SLC22A9: variants seen among roughly 807,000 people sequenced by gnomAD.
SLC22A9 encodes the protein organic anion transporter 7.
Under a neutral mutation model 50.1 loss-of-function variants are expected in SLC22A9, and 64 were observed. The ratio of observed to expected loss-of-function variants is 1.28; its 90% CI spans 1.04 to 1.57. SLC22A9 has a LOEUF of 1.57. Among genes scored for constraint, SLC22A9 ranks in the 40% most tolerant of loss-of-function variants. SLC22A9 has a pLI of 0.00. For missense variants in SLC22A9, 757 were observed against 676.1 expected, an observed-to-expected ratio of 1.12 and a Z score of -1.33; for synonymous variants, 261 against 242.5, an observed-to-expected ratio of 1.08 and a Z score of -0.71.
chr11:63,387,950 C>G (rs1014078880), intron 6 of SLC22A9, among the ~76,000 whole-genome samples: 3 of 151,680 alleles, frequency 2.0e-5, no homozygotes, highest in East Asian at 3.9e-4. Context: ...TTAGATGGTT[C>G]CTTATTGGCA....
At chr11:63,409,438 TA>T (rs10570779) in intron 9 of SLC22A9, among the ~76,000 whole-genome samples, 14,645 of 146,516 alleles carry the variant, frequency 0.1, 1,427 homozygotes, top group African/African-American at 0.25. Context: ...TCTGATGAGC[TA>T]AAAAAAAAAA....
chr11:63,371,224 T>A lies in SLC22A9; in HGVS notation c.492T>A (p.Gly164=). 1 of 1,612,618 alleles carries A rather than the reference T, an allele frequency of 6.2e-7. No homozygotes were observed. Among genetic ancestry groups the A allele is most frequent in the South Asian group, 1.1e-5 (1 of 91,004 alleles). The part of the protein sequence containing the change: ...AGMMVGGILG[G]HLSDRFGRRF... ...TGATGGTGGGAGGCATCCTAGGCGGTCATTTATCAGACAGGTGAGTGTGTA... is the reference window on the plus strand; with the variant it reads ...TGATGGTGGGAGGCATCCTAGGCGGACATTTATCAGACAGGTGAGTGTGTA... The change falls in exon 2 of 10, where the codon GGT becomes GGA. Residue 164 remains glycine, a synonymous_variant. Coordinates refer to ENST00000279178, the MANE Select transcript of SLC22A9 (RefSeq NM_080866.3).
At chr11:63,391,654 T>G (rs2014765893) in intron 6 of SLC22A9, among the ~76,000 whole-genome samples, 1 of 152,028 alleles carries the variant, frequency 6.6e-6, no homozygotes, top group Non-Finnish European at 1.5e-5. Flanking sequence ...TCCTTTGGCA[T>G]AGAATATCAT....
At chr11:63,388,463 G>A (rs2014706905) in intron 6 of SLC22A9, among the ~76,000 whole-genome samples, 2 of 151,614 alleles carry the variant, frequency 1.3e-5, no homozygotes, top group South Asian at 4.2e-4. Flanking sequence ...TGGTCAATAT[G>A]ATATATCATG....
intron 7 of SLC22A9, among the ~76,000 whole-genome samples, chr11:63,407,822 A>G (rs1320178168): frequency 6.6e-6 from 1 of 152,186 alleles, no homozygotes; most frequent in Non-Finnish European, 1.5e-5. Flanking sequence ...AAATGAAAAA[A>G]CATTCAGCTC....
At position 63,370,202 on chromosome 11, in the gene SLC22A9, G is replaced by C. The variant is rs957504974; in HGVS notation, c.146G>C (p.Cys49Ser). 6 of 1,613,900 alleles carry C rather than the reference G, an allele frequency of 3.7e-6. No individual in the cohort carries two copies. The highest frequency in any genetic ancestry group is 1.7e-5 in the Admixed American group (1 of 59,988). The change falls in exon 1 of 10, where the codon TGC (cysteine) becomes TCC (serine). Residue 49 changes from cysteine (C) to serine (S), a missense_variant. Physicochemically the swap from Cys to Ser is moderately radical, Grantham distance 112. Coordinates refer to ENST00000279178, the MANE Select transcript of SLC22A9 (RefSeq NM_080866.3). Reference protein sequence around the residue: ...NFTAFIPGHRCWVHILDNDTV... With the variant: ...NFTAFIPGHRSWVHILDNDTV... Reference sequence around the variant, plus strand: ...ACTGCATTCATACCTGGCCATCGCTGCTGGGTCCACATCCTGGACAATGAC... The same window carrying C: ...ACTGCATTCATACCTGGCCATCGCTCCTGGGTCCACATCCTGGACAATGAC...
At chr11:63,372,712 T>C (rs1374309806) in intron 2 of SLC22A9, among the ~76,000 whole-genome samples, 2 of 152,198 alleles carry the variant, frequency 1.3e-5, no homozygotes, top group Non-Finnish European at 2.9e-5. Context: ...CAATATTTTA[T>C]AGTTTATGAT....
chr11:63,396,871 C>T (rs2014867764), intron 6 of SLC22A9, among the ~76,000 whole-genome samples: 1 of 152,090 alleles, frequency 6.6e-6, no homozygotes, highest in Non-Finnish European at 1.5e-5. Context: ...GTCCCTAGTG[C>T]CTTATTTAGT....
intron 5 of SLC22A9, among the ~76,000 whole-genome samples, chr11:63,377,829 G>A (rs559341345): frequency 4.6e-5 from 7 of 151,828 alleles, no homozygotes; most frequent in South Asian, 2.1e-4. Context: ...AAAAGAGAGC[G>A]GATTCAAATA....
intron 6 of SLC22A9, among the ~76,000 whole-genome samples, chr11:63,391,988 T>G (rs2014771821): frequency 6.6e-6 from 1 of 152,056 alleles, no homozygotes; most frequent in Non-Finnish European, 1.5e-5. Context: ...TGCATGTTTT[T>G]CAATTTGAGG....
chr11:63,374,378 T>A (rs978318868), intron 4 of SLC22A9, among the ~76,000 whole-genome samples: 3 of 152,218 alleles, frequency 2.0e-5, no homozygotes, highest in Non-Finnish European at 2.9e-5. Context: ...AGTTCTTTTA[T>A]TTAAATGAAT....
intron 5 of SLC22A9, among the ~76,000 whole-genome samples, chr11:63,377,091 A>G (rs1233876648): frequency 1.3e-5 from 2 of 152,158 alleles, no homozygotes; most frequent in Admixed American, 6.6e-5. Flanking sequence ...AAATCATACA[A>G]TGATAGTTGG....
rs753998980 is a variant in SLC22A9 at position 63,375,627 on chromosome 11, G to A, written c.831-18G>A. On this transcript the variant is annotated intron_variant, in intron 4 of 9. Coordinates refer to ENST00000279178, the MANE Select transcript of SLC22A9 (RefSeq NM_080866.3). The stretch of plus-strand genomic sequence containing the variant: ...GGAAGTGAAAGTCGACTGCCCCTCT[G>A]TTCTCTTCCTTGGTCAGTTGGCTGC... 6 of 1,609,994 alleles carry A rather than the reference G, an allele frequency of 3.7e-6. No individual in the cohort carries two copies. The highest frequency in any genetic ancestry group is 5.1e-6 in the Non-Finnish European group (6 of 1,177,724).
At chr11:63,404,687 G>A (rs931179555) in intron 6 of SLC22A9, among the ~76,000 whole-genome samples, 1 of 152,160 alleles carries the variant, frequency 6.6e-6, no homozygotes, top group African/African-American at 2.4e-5. Context: ...TGGATGGCCT[G>A]ATGCCTAGTT....
chr11:63,395,716 T>G (rs1445926312), intron 6 of SLC22A9, among the ~76,000 whole-genome samples: 1 of 152,178 alleles, frequency 6.6e-6, no homozygotes. Context: ...GGTGGCACTT[T>G]CCAGAGAACA....
At chr11:63,408,035 C>T in intron 7 of SLC22A9, 77 bp from the exon 8 acceptor site, 1 of 1,186,810 alleles carries the variant, frequency 8.4e-7, no homozygotes. Context: ...CCAATACAGT[C>T]CTTTTCACTT....
intron 6 of SLC22A9, among the ~76,000 whole-genome samples, chr11:63,393,732 T>C (rs1344354195): frequency 6.6e-6 from 1 of 152,128 alleles, no homozygotes; most frequent in Non-Finnish European, 1.5e-5. Flanking sequence ...CCTTAACATT[T>C]TTTCCTTCAT....
At chr11:63,386,728 G>A (rs2014675794) in intron 6 of SLC22A9, among the ~76,000 whole-genome samples, 1 of 151,068 alleles carries the variant, frequency 6.6e-6, no homozygotes, top group Non-Finnish European at 1.5e-5. Flanking sequence ...TTCTTTATTA[G>A]TCTAGCTAGC....
intron 5 of SLC22A9, among the ~76,000 whole-genome samples, chr11:63,379,018 T>TC (rs1268698684): frequency 1.3e-5 from 2 of 152,014 alleles, no homozygotes; most frequent in African/African-American, 4.8e-5. Context: ...AGAAAACTAT[T>TC]CTAAAATTCA....
Sources: gnomAD v4.1 joint callset for allele counts (sites outside exome capture counted in the v4.1 genomes callset) on GRCh38, gnomAD v4.1.1 for gene constraint, MANE v1.5 for transcripts, NCBI Gene and HGNC (gene_info 2026-07-23, HGNC 2026-07-21) for gene names.